Variants in MED13L observed in about 807,000 individuals in gnomAD.
MED13L encodes mediator complex subunit 13L, also known as mediator of RNA polymerase II transcription subunit 13-like.
A neutral mutation model predicts 220.9 loss-of-function variants in MED13L; 7 were observed. That is an observed-to-expected ratio of 0.03 (90% CI 0.02 to 0.06). The LOEUF is 0.06. MED13L is among the 10% of genes least tolerant of loss of function. The probability of loss-of-function intolerance (pLI) is 1.00; values close to 1 mark genes in which losing one functional copy is unlikely to be tolerated. For synonymous variants in MED13L, 1,011 were observed against 1,015.2 expected (o/e 1.00, Z 0.08); for missense variants, 1,965 against 2,760.5 (o/e 0.71, Z 6.46).
At chr12:116,146,140 T>C (rs1441455886) in intron 2 of MED13L, among the ~76,000 whole-genome samples, 2 of 152,210 alleles carry the variant, frequency 1.3e-5, no homozygotes, top group East Asian at 1.9e-4. Context: ...GTTGGTTTTT[T>C]TGAGATGGAG....
At chr12:115,999,791 G>A (rs141228570) in intron 14 of MED13L, among the ~76,000 whole-genome samples, 20 of 152,026 alleles carry the variant, frequency 1.3e-4, no homozygotes, top group Middle Eastern at 3.4e-3. Flanking sequence ...CTTCCTGAAC[G>A]CACGCATATA....
chr12:116,265,177 C>A (rs558676118), intron 1 of MED13L, among the ~76,000 whole-genome samples: 1 of 152,298 alleles, frequency 6.6e-6, no homozygotes, highest in East Asian at 1.9e-4. Context: ...CAAGGTTCAC[C>A]ACGATTGTCT....
chr12:116,264,255 T>C (rs577446396), intron 1 of MED13L, among the ~76,000 whole-genome samples: 1 of 152,318 alleles, frequency 6.6e-6, no homozygotes, highest in East Asian at 1.9e-4. Flanking sequence ...AAAAAAATTA[T>C]AAACAATGGC....
intron 2 of MED13L, among the ~76,000 whole-genome samples, chr12:116,142,760 TGTGCATAAAAATAAA>T (rs1385339948): frequency 6.6e-6 from 1 of 152,216 alleles, no homozygotes; most frequent in East Asian, 1.9e-4. Flanking sequence ...TTGATGTATG[TGTGCATAAAAATAAA>T]GTGACACTTT....
chr12:116,019,718 T>A lies in MED13L; in HGVS notation c.820+60A>T. 5.9e-6 allele frequency: 9 copies of A among 1,528,568 alleles called. No homozygotes were observed. In the South Asian group the frequency reaches 1.0e-4, roughly 17 times the overall value. The allele number at this position is 1,528,568 out of a possible 1,614,324, so 94.7% of individuals were successfully genotyped here. Reference sequence around the variant, plus strand: ...TTTCTGAAGAATCTAAATGATTATCTTTTTAAATTAAGGAAGAGGAAGAAG... The same window carrying A: ...TTTCTGAAGAATCTAAATGATTATCATTTTAAATTAAGGAAGAGGAAGAAG... On this transcript the variant is annotated intron_variant, in intron 6 of 30. Transcript: ENST00000281928.
At position 116,095,922 on chromosome 12, in the gene MED13L, T is replaced by C. The variant is rs186413484; in HGVS notation, c.479+747A>G. The stretch of plus-strand genomic sequence containing the variant: ...TGATGGCTAAAAGTTTAGGATTGTT[T>C]AGGAAAGTAATTCACAGTTCTGGTT... On this transcript the variant is annotated intron_variant, in intron 4 of 30. Transcript: ENST00000281928. Among the ~76,000 whole-genome samples the C allele has an allele frequency of 1.6e-3, 237 of 152,298 alleles. 1 individual carries two copies. Among genetic ancestry groups the C allele is most frequent in the African/African-American group, 5.6e-3 (231 of 41,546 alleles).
intron 2 of MED13L, among the ~76,000 whole-genome samples, chr12:116,207,007 C>T (rs1882376590): frequency 6.6e-6 from 1 of 152,038 alleles, no homozygotes; most frequent in Admixed American, 6.6e-5. Flanking sequence ...AGTAAAGGCA[C>T]ATTCATAACA....
At chr12:116,059,417 CTTTT>C (rs773277217) in intron 4 of MED13L, among the ~76,000 whole-genome samples, 3 of 137,746 alleles carry the variant, frequency 2.2e-5, no homozygotes, top group African/African-American at 2.6e-5. Context: ...TTATACCGTA[CTTTT>C]TTTTTTTTTT....
At chr12:115,984,118 G>A in intron 20 of MED13L, 62 bp downstream of exon 20, 4 of 1,509,198 alleles carry the variant, frequency 2.7e-6, no homozygotes, top group Non-Finnish European at 3.6e-6. Context: ...TAAAAGAAGG[G>A]ATGGGACGGA....
intron 2 of MED13L, among the ~76,000 whole-genome samples, chr12:116,126,653 G>A (rs924299442): frequency 5.9e-5 from 9 of 152,144 alleles, no homozygotes; most frequent in Non-Finnish European, 8.8e-5. Context: ...AAAGTTGAAA[G>A]AATAAATCAA....
In MED13L at chr12:116,241,820, A is replaced by G. The variant is rs976589971; in HGVS notation, c.73-4115T>C. On this transcript the variant is annotated intron_variant, in intron 1 of 30. Transcript: ENST00000281928. Reference sequence around the variant, plus strand: ...TTGAAAAATGTTACAATGAAACACTAATCAAGCCTAAAAGAGATAACTAAG... The same window carrying G: ...TTGAAAAATGTTACAATGAAACACTGATCAAGCCTAAAAGAGATAACTAAG... Among the ~76,000 whole-genome samples, 5 of 152,202 alleles carry G rather than the reference A, an allele frequency of 3.3e-5. No individual in the cohort carries two copies. The South Asian group carries it at 6.2e-4, about 19-fold the overall frequency.
At chr12:116,118,319 AAAC>A (rs1226683125) in intron 2 of MED13L, among the ~76,000 whole-genome samples, 1 of 152,264 alleles carries the variant, frequency 6.6e-6, no homozygotes, top group African/African-American at 2.4e-5. Flanking sequence ...AAAGCTTAGA[AAAC>A]AATAGAAAAT....
chr12:116,136,483 C>T lies in MED13L; in HGVS notation c.311-24971G>A, dbSNP rs1392896626. Among the ~76,000 whole-genome samples, 6 of 151,964 alleles carry T rather than the reference C, an allele frequency of 3.9e-5. No homozygotes were observed. The East Asian group carries it at 5.8e-4, about 15-fold the overall frequency. ...GAGAGAGGGAGAGAGAGAGAAAGAA[C>T]GATGCATTCACGCCAAATGAAGCCA... On this transcript the variant is annotated intron_variant, in intron 2 of 30. Transcript: ENST00000281928.
intron 4 of MED13L, among the ~76,000 whole-genome samples, chr12:116,074,018 C>T (rs1480253068): frequency 1.3e-5 from 2 of 152,152 alleles, no homozygotes; most frequent in African/African-American, 2.4e-5. Flanking sequence ...CGTTTTCTCA[C>T]GATTTATTAT....
At chr12:116,126,860 T>C (rs1260157372) in intron 2 of MED13L, among the ~76,000 whole-genome samples, 1 of 152,182 alleles carries the variant, frequency 6.6e-6, no homozygotes, top group East Asian at 1.9e-4. Flanking sequence ...AGTGAAGTCC[T>C]AACCAATCTA....
At chr12:115,997,686 C>T (rs903967858) in intron 14 of MED13L, among the ~76,000 whole-genome samples, 15 of 152,186 alleles carry the variant, frequency 9.9e-5, no homozygotes, top group African/African-American at 2.9e-4. Context: ...ACTCCCCAAG[C>T]GCTGGGATGG....
intron 2 of MED13L, among the ~76,000 whole-genome samples, chr12:116,137,044 A>T (rs999310491): frequency 2.0e-5 from 3 of 152,126 alleles, no homozygotes; most frequent in Non-Finnish European, 4.4e-5. Context: ...TCTCCTTCCA[A>T]CTCTGTCTTT....
intron 2 of MED13L, among the ~76,000 whole-genome samples, chr12:116,184,548 T>G (rs1880751123): frequency 6.6e-6 from 1 of 152,112 alleles, no homozygotes; most frequent in African/African-American, 2.4e-5. Context: ...AGAAAAAATT[T>G]TGTGGCAAAT....
In MED13L at chr12:116,223,004, A is replaced by C. The variant is rs577911593; in HGVS notation, c.310+14464T>G. The stretch of plus-strand genomic sequence containing the variant: ...TTCCAGAGTGAAAGATAGAAAGCTC[A>C]ATGAAAGCTATTGTCAATTTGATTC... On this transcript the variant is annotated intron_variant, in intron 2 of 30. Coordinates refer to ENST00000281928, the MANE Select transcript of MED13L (RefSeq NM_015335.5). Among the ~76,000 whole-genome samples the C allele has an allele frequency of 9.5e-4, 144 of 152,362 alleles. 3 individuals carry two copies. The Middle Eastern group carries it at 0.01, about 11-fold the overall frequency.
Sources: gnomAD v4.1 joint callset for allele counts (sites outside exome capture counted in the v4.1 genomes callset) on GRCh38, gnomAD v4.1.1 for gene constraint, MANE v1.5 for transcripts, NCBI Gene and HGNC (gene_info 2026-07-23, HGNC 2026-07-21) for gene names.